The following UGT1A8 variants were observed in gnomAD, a reference collection of about 807,000 sequenced individuals.
UGT1A8 encodes the protein UDP-glucuronosyltransferase 1A8.
UGT1A8 carries 39 observed loss-of-function variants against 45.3 expected under a neutral mutation model. The observed-to-expected ratio is 0.86, with a 90% CI of 0.67 to 1.12. UGT1A8 has a LOEUF of 1.12. Among genes scored for constraint, UGT1A8 ranks in the 50% most tolerant of loss-of-function variants. UGT1A8 has a pLI of 0.00. For synonymous variants in UGT1A8, 275 were observed against 249.2 expected (o/e 1.10, Z -0.97); for missense variants, 719 against 664.9 (o/e 1.08, Z -0.90).
chr2:233,697,431 T>C (rs2075390196), intron 1 of UGT1A8, among the ~76,000 whole-genome samples: 1 of 152,048 alleles, frequency 6.6e-6, no homozygotes, highest in African/African-American at 2.4e-5. Flanking sequence ...TGTTTCCTTT[T>C]TCATTTCTGA....
rs6744979 is a variant in UGT1A8 at position 233,689,470 on chromosome 2, G to T, written c.855+70908G>T. ...AAGGATACATTTTAGGAAAACAGAA[G>T]TTACAAGAAGAAATCGCAAATCAAT... is the stretch of plus-strand genomic sequence containing the variant. On this transcript the variant is annotated intron_variant, in intron 1 of 4. Coordinates refer to ENST00000373450, the MANE Select transcript of UGT1A8 (RefSeq NM_019076.5). 1.6e-3 allele frequency among the ~76,000 whole-genome samples: 247 copies of T among 152,324 alleles called. 1 individual carries two copies. Among genetic ancestry groups the T allele is most frequent in the African/African-American group, 5.9e-3 (245 of 41,582 alleles).
At chr2:233,680,206 C>A (rs777098137) in intron 1 of UGT1A8, among the ~76,000 whole-genome samples, 3 of 152,090 alleles carry the variant, frequency 2.0e-5, no homozygotes, top group Non-Finnish European at 4.4e-5. Flanking sequence ...ATTAGTTGCA[C>A]TTTATAGTCC....
At chr2:233,753,957 TAA>T (rs1695357056) in intron 1 of UGT1A8, among the ~76,000 whole-genome samples, 1 of 152,156 alleles carries the variant, frequency 6.6e-6, no homozygotes, top group Non-Finnish European at 1.5e-5. Flanking sequence ...TCCAAAATAT[TAA>T]GAGAATAACG....
chr2:233,634,898 A>G (rs1378477193), intron 1 of UGT1A8, among the ~76,000 whole-genome samples: 1 of 150,632 alleles, frequency 6.6e-6, no homozygotes, highest in African/African-American at 2.5e-5. Context: ...TTATAGTGTC[A>G]ATTGTCCTGA....
intron 1 of UGT1A8, among the ~76,000 whole-genome samples, chr2:233,695,505 G>A (rs1425360568): frequency 3.3e-5 from 5 of 151,594 alleles, no homozygotes; most frequent in Non-Finnish European, 7.4e-5. Context: ...AGTTTTTGGA[G>A]TATTACAAAT....
At chr2:233,686,360 A>G (rs983184059) in intron 1 of UGT1A8, among the ~76,000 whole-genome samples, 1 of 152,180 alleles carries the variant, frequency 6.6e-6, no homozygotes, top group Admixed American at 6.5e-5. Context: ...ATCAAAGGAT[A>G]CTATCAAGAG....
chr2:233,620,501 C>T (rs750551291), intron 1 of UGT1A8, among the ~76,000 whole-genome samples: 8 of 151,934 alleles, frequency 5.3e-5, no homozygotes, highest in African/African-American at 9.7e-5. Context: ...ATATCACCTA[C>T]GATAGGGAGA....
chr2:233,617,864 C>T lies in UGT1A8; in HGVS notation c.157C>T (p.His53Tyr). The T allele has an allele frequency of 1.2e-6, 2 of 1,614,072 alleles. No homozygotes were observed. Among genetic ancestry groups the T allele is most frequent in the Admixed American group, 1.7e-5 (1 of 60,008 alleles). ...GGTGGAGAAACTTATCCTCAGGGGG[C>T]ATGAGGTGGTTGTAGTCATGCCAGA... The part of the protein sequence containing the change: ...SVVEKLILRG[H>Y]EVVVVMPEVS... Residue 53 changes from histidine to tyrosine, a missense_variant, in exon 1 of 5, where the codon CAT becomes TAT. By Grantham distance (83) the His-to-Tyr change is moderately conservative. Transcript: ENST00000373450.
chr2:233,638,613 C>T (rs987978264), intron 1 of UGT1A8, among the ~76,000 whole-genome samples: 4 of 152,130 alleles, frequency 2.6e-5, no homozygotes, highest in East Asian at 1.9e-4. Flanking sequence ...TCTTGGCAAA[C>T]GCATAGTTGC....
At chr2:233,752,443 A>C (rs2125915696) in intron 1 of UGT1A8, 1 of 152,338 alleles carries the variant, frequency 6.6e-6, no homozygotes, top group Non-Finnish European at 1.5e-5. Flanking sequence ...CTTTTATAAA[A>C]GATGAATACC....
At chr2:233,693,978 G>C (rs1189326021) in intron 1 of UGT1A8, 3 of 1,557,938 alleles carry the variant, frequency 1.9e-6, no homozygotes, top group Admixed American at 1.9e-5. Flanking sequence ...GAGAAACGGT[G>C]GGGGGAAGTG....
At chr2:233,754,136 G>T (rs1695403547) in intron 1 of UGT1A8, among the ~76,000 whole-genome samples, 1 of 152,154 alleles carries the variant, frequency 6.6e-6, no homozygotes. Flanking sequence ...GCAATTAAAA[G>T]CCATCATTAA....
At position 233,769,334 on chromosome 2, in the gene UGT1A8, AG is replaced by A. The variant is rs1261695807; in HGVS notation, c.1295+896del. Among the ~76,000 whole-genome samples the A allele has an allele frequency of 6.6e-6, 1 of 152,248 alleles. No individual in the cohort carries two copies. The highest frequency in any genetic ancestry group is 1.5e-5 in the Non-Finnish European group (1 of 68,042). ...CAAGCTCACTGGTAATAGGCTTATT[AG>A]AACCTTATGGGAAGAAGTGGTGGCC... On this transcript the variant is annotated intron_variant, in intron 4 of 4. Transcript: ENST00000373450. This position sits in a 1 kb window ranked among gnomAD's most constrained non-coding sequence, Gnocchi z 4.4.
At chr2:233,714,579 T>G (rs2125639821) in intron 1 of UGT1A8, among the ~76,000 whole-genome samples, 1 of 152,344 alleles carries the variant, frequency 6.6e-6, no homozygotes, top group Middle Eastern at 3.4e-3. Flanking sequence ...ACATACATAA[T>G]TTAAACTTTT....
At chr2:233,689,173 GA>G (rs1242031028) in intron 1 of UGT1A8, among the ~76,000 whole-genome samples, 1 of 152,150 alleles carries the variant, frequency 6.6e-6, no homozygotes, top group African/African-American at 2.4e-5. Context: ...CTTCTACTAG[GA>G]CAGGTGCCCC....
At chr2:233,706,570 A>G (rs1030888429) in intron 1 of UGT1A8, among the ~76,000 whole-genome samples, 1 of 152,166 alleles carries the variant, frequency 6.6e-6, no homozygotes, top group African/African-American at 2.4e-5. Context: ...ACCTTAGGGT[A>G]AGAGTGGAGA....
chr2:233,668,924 C>T (rs1406850907), intron 1 of UGT1A8, among the ~76,000 whole-genome samples: 2 of 152,200 alleles, frequency 1.3e-5, no homozygotes, highest in African/African-American at 4.8e-5. Context: ...GTTTTGATTA[C>T]TTTGTCAGTT....
chr2:233,743,914 C>T lies in UGT1A8; in HGVS notation c.856-23120C>T, dbSNP rs201448352. On this transcript the variant is annotated intron_variant, in intron 1 of 4. Coordinates refer to ENST00000373450, the MANE Select transcript of UGT1A8 (RefSeq NM_019076.5). ...CGTCCAGCACCTCGTAGTAGTCCAC[C>T]ATGCTGGATGGCCAGAACGGCCCAC... is the stretch of plus-strand genomic sequence containing the variant. 797 of 1,364,624 alleles carry T rather than the reference C, an allele frequency of 5.8e-4. 20 individuals are homozygous for T. In the African/African-American group the frequency reaches 8.5e-3, roughly 15 times the overall value. The allele number at this position is 1,364,624 out of a possible 1,614,324, so 84.5% of individuals were successfully genotyped here.
chr2:233,713,654 C>G (rs772649489), intron 1 of UGT1A8: 39 of 1,613,850 alleles, frequency 2.4e-5, no homozygotes, highest in African/African-American at 6.7e-5. Context: ...TGGCCCTGTC[C>G]TACCTTTGCC....
Sources: allele counts gnomAD v4.1 joint callset (sites outside exome capture counted in the v4.1 genomes callset), GRCh38; gene constraint gnomAD v4.1.1; non-coding constraint Gnocchi (gnomAD v3.1); transcripts MANE v1.5; gene names NCBI Gene and HGNC (gene_info 2026-07-23, HGNC 2026-07-21).